Variants in TACC2 observed in about 807,000 individuals in gnomAD.
TACC2 encodes transforming acidic coiled-coil containing protein 2, also known as transforming acidic coiled-coil-containing protein 2.
In TACC2, 137 loss-of-function variants were observed where a neutral mutation model predicts 227.3. The ratio of observed to expected loss-of-function variants is 0.60; its 90% confidence interval spans 0.52 to 0.69. The LOEUF (loss-of-function observed/expected upper bound fraction) is 0.69. Among genes scored for constraint, TACC2 ranks in the 30% least tolerant of loss-of-function variants. The pLI is 0.00. For missense variants in TACC2, 3,470 were observed against 3,694.4 expected (o/e 0.94, Z 1.57); for synonymous variants, 1,523 against 1,487.5 (o/e 1.02, Z -0.55).
chr10:122,184,068 C>T (rs936990937), intron 7 of TACC2, among the ~76,000 whole-genome samples: 11 of 152,144 alleles, frequency 7.2e-5, no homozygotes, highest in Non-Finnish European at 1.3e-4. Flanking sequence ...CTCTGAGGGA[C>T]GGTAACATGT....
chr10:122,241,882 G>A (rs181928020), intron 18 of TACC2, 76 bp from the exon 19 acceptor site: 1 of 1,392,252 alleles, frequency 7.2e-7, no homozygotes, highest in African/African-American at 1.4e-5. Flanking sequence ...CATGGGTCAG[G>A]CTGTGGCGTC....
At chr10:122,214,316 C>A (rs1271425205) in intron 9 of TACC2, among the ~76,000 whole-genome samples, 2 of 152,078 alleles carry the variant, frequency 1.3e-5, no homozygotes, top group Admixed American at 1.3e-4. Context: ...GTTTTAATGG[C>A]AAATATTATA....
At chr10:122,239,210 T>C (rs952038068) in intron 18 of TACC2, among the ~76,000 whole-genome samples, 4 of 152,198 alleles carry the variant, frequency 2.6e-5, no homozygotes, top group African/African-American at 9.6e-5. Context: ...GGTTTTACCA[T>C]GTTGGCCAGG....
At chr10:122,068,900 A>G (rs376216067) in intron 3 of TACC2, among the ~76,000 whole-genome samples, 12 of 141,076 alleles carry the variant, frequency 8.5e-5, no homozygotes, top group African/African-American at 3.2e-4. Flanking sequence ...AGGTTTCACC[A>G]TATTGGCTTG....
intron 3 of TACC2, among the ~76,000 whole-genome samples, chr10:122,058,372 C>G (rs967384482): frequency 6.6e-6 from 1 of 152,030 alleles, no homozygotes; most frequent in Non-Finnish European, 1.5e-5. Flanking sequence ...TCCCAGCCTG[C>G]GGGATGGATG....
At chr10:122,028,036 C>T (rs1958277554) in intron 2 of TACC2, among the ~76,000 whole-genome samples, 2 of 149,410 alleles carry the variant, frequency 1.3e-5, no homozygotes, top group Non-Finnish European at 3.0e-5. Context: ...AGCCACTGCG[C>T]CTGGCCCATT....
intron 1 of TACC2, among the ~76,000 whole-genome samples, chr10:121,996,349 C>G (rs1953497569): frequency 6.6e-6 from 1 of 152,158 alleles, no homozygotes; most frequent in Non-Finnish European, 1.5e-5. Flanking sequence ...AACTGCCTCA[C>G]CTAGCCTCCA....
chr10:122,063,889 T>C (rs1487706108), intron 3 of TACC2, among the ~76,000 whole-genome samples: 1 of 151,192 alleles, frequency 6.6e-6, no homozygotes, highest in Non-Finnish European at 1.5e-5. Flanking sequence ...TGGTCAGGCG[T>C]GGTGGCTCAC....
intron 7 of TACC2, among the ~76,000 whole-genome samples, chr10:122,193,614 C>T (rs890606694): frequency 2.6e-5 from 4 of 152,190 alleles, no homozygotes; most frequent in South Asian, 4.1e-4. Flanking sequence ...TGGGATCATT[C>T]GTGCCATTCA....
chr10:122,109,074 C>A (rs1172523597), intron 5 of TACC2, among the ~76,000 whole-genome samples: 1 of 152,168 alleles, frequency 6.6e-6, no homozygotes, highest in African/African-American at 2.4e-5. Flanking sequence ...GGCATTTGAG[C>A]TGGTTTCATA....
chr10:122,096,147 G>A (rs1315547688), intron 5 of TACC2, among the ~76,000 whole-genome samples: 2 of 152,182 alleles, frequency 1.3e-5, no homozygotes, highest in Admixed American at 6.5e-5. Flanking sequence ...CTCTAGAATG[G>A]AGGCTGAGGT....
chr10:122,067,507 G>GT (rs34479310), intron 3 of TACC2, among the ~76,000 whole-genome samples: 91,230 of 129,620 alleles, frequency 0.7, 33,166 homozygotes, highest in Non-Finnish European at 0.8. Flanking sequence ...ACTGTTTCTG[G>GT]TTTTTTTTTT....
At chr10:122,235,542 A>G (rs1372407213) in intron 16 of TACC2, among the ~76,000 whole-genome samples, 2 of 152,090 alleles carry the variant, frequency 1.3e-5, no homozygotes, top group Non-Finnish European at 2.9e-5. Context: ...ACGGCCCAGA[A>G]TTTTTTTCAG....
intron 7 of TACC2, among the ~76,000 whole-genome samples, chr10:122,187,613 C>T (rs771945600): frequency 7.2e-5 from 11 of 152,144 alleles, no homozygotes; most frequent in Non-Finnish European, 1.6e-4. Context: ...GCCTCAGCCC[C>T]GTGAGTAGCT....
intron 2 of TACC2, among the ~76,000 whole-genome samples, chr10:122,033,612 A>C (rs1959209043): frequency 1.3e-5 from 2 of 152,174 alleles, no homozygotes; most frequent in Admixed American, 1.3e-4. Flanking sequence ...GTCATGCAAC[A>C]ATGTGCTAGC....
At chr10:122,244,445 C>G (rs2096067805) in intron 19 of TACC2, among the ~76,000 whole-genome samples, 1 of 152,156 alleles carries the variant, frequency 6.6e-6, no homozygotes, top group African/African-American at 2.4e-5. Flanking sequence ...GTTGTCATTC[C>G]TTCAGCCACT....
At chr10:122,113,824 C>G (rs916066864) in intron 5 of TACC2, among the ~76,000 whole-genome samples, 5 of 152,238 alleles carry the variant, frequency 3.3e-5, no homozygotes, top group African/African-American at 9.6e-5. Context: ...GTGACCCGCC[C>G]GAGCGTCCCC....
At chr10:122,187,578 C>T (rs1403301856) in intron 7 of TACC2, among the ~76,000 whole-genome samples, 1 of 151,994 alleles carries the variant, frequency 6.6e-6, no homozygotes, top group Non-Finnish European at 1.5e-5. Flanking sequence ...GCAATCTCTG[C>T]CTCCCAGGTT....
At position 122,205,592 on chromosome 10, in the gene TACC2, AGAT is replaced by A. The variant is rs1453450064; in HGVS notation, c.5972-4802_5972-4800del. On this transcript the variant is annotated intron_variant, in intron 8 of 22. Transcript: ENST00000369005. This position sits in a 1 kb window ranked among gnomAD's most constrained non-coding sequence, Gnocchi z 4.5. ...AATGAGGATAGGCCCAGATAGAAGC[AGAT>A]GAGGTGAGATAGCCCAGTTCCAGAC... 6.6e-6 allele frequency among the ~76,000 whole-genome samples: 1 copy of A among 152,262 alleles called. No homozygotes were observed. The highest frequency in any genetic ancestry group is 1.5e-5 in the Non-Finnish European group (1 of 68,046).
Sources: gnomAD v4.1 joint callset for allele counts (sites outside exome capture counted in the v4.1 genomes callset) on GRCh38, gnomAD v4.1.1 for gene constraint, Gnocchi (gnomAD v3.1) non-coding constraint, MANE v1.5 for transcripts, NCBI Gene and HGNC (gene_info 2026-07-23, HGNC 2026-07-21) for gene names.